Variants in VPS13A observed in about 807,000 individuals in gnomAD.
VPS13A encodes vacuolar protein sorting 13 homolog A.
Under a neutral mutation model 390.9 loss-of-function variants are expected in VPS13A, and 264 were observed. The ratio of observed to expected loss-of-function variants is 0.68; its 90% CI spans 0.61 to 0.75. The LOEUF is 0.75. Ranked by LOEUF, VPS13A falls within the 30% of genes least tolerant of loss-of-function variation. The pLI is 0.00. For missense variants in VPS13A, 3,409 were observed against 3,733.9 expected (o/e 0.91, Z 2.27); for synonymous variants, 1,231 against 1,227.1 (o/e 1.00, Z -0.07).
chr9:77,223,178 C>A (rs929675039), intron 13 of VPS13A, among the ~76,000 whole-genome samples: 1 of 152,160 alleles, frequency 6.6e-6, no homozygotes, highest in African/African-American at 2.4e-5. Context: ...TCTAACACAG[C>A]AAACTTAATA....
At chr9:77,305,932 C>T (rs1828713794) in intron 34 of VPS13A, among the ~76,000 whole-genome samples, 1 of 152,200 alleles carries the variant, frequency 6.6e-6, no homozygotes, top group African/African-American at 2.4e-5. Context: ...CTCCACTGAG[C>T]TCCTGGCAAA....
At chr9:77,345,887 A>G (rs1216033159) in intron 52 of VPS13A, among the ~76,000 whole-genome samples, 2 of 152,172 alleles carry the variant, frequency 1.3e-5, no homozygotes, top group East Asian at 1.9e-4. Context: ...CGTTTGGGGT[A>G]GCATTCTCTC....
In VPS13A at chr9:77,252,242, T is replaced by C. The variant is rs756234366; in HGVS notation, c.2178T>C (p.Asn726=). 6.2e-7 allele frequency: 1 copy of C among 1,612,410 alleles called. No homozygotes were observed. Among genetic ancestry groups the C allele is most frequent in the South Asian group, 1.1e-5 (1 of 91,048 alleles). Residue 726 remains asparagine, a synonymous_variant, in exon 22 of 72, where the codon AAT becomes AAC. Transcript: ENST00000360280. ...ACTATTTTCTGTACTTAGGTGATAA[T>C]TGGAGAGAAGCACGAAAACTCAGTG... ...VQLLYSRVGD[N]WREARKLSVS... is the part of the protein sequence containing the mutation.
intron 19 of VPS13A, among the ~76,000 whole-genome samples, chr9:77,241,705 A>G (rs1329654985): frequency 1.3e-5 from 2 of 152,148 alleles, no homozygotes; most frequent in Non-Finnish European, 2.9e-5. Flanking sequence ...TTTCGGGAAG[A>G]TTTATATTTC....
At chr9:77,274,426 CAAAAAAAA>C (rs889400152) in intron 24 of VPS13A, among the ~76,000 whole-genome samples, 3 of 62,214 alleles carry the variant, frequency 4.8e-5, no homozygotes, top group Admixed American at 1.9e-4. Context: ...GAGTCCGAAT[CAAAAAAAA>C]AAAAAAAAAA....
At chr9:77,375,110 C>T (rs113156231) in intron 67 of VPS13A, among the ~76,000 whole-genome samples, 24 of 152,176 alleles carry the variant, frequency 1.6e-4, no homozygotes, top group African/African-American at 5.8e-4. Context: ...GTCAATGAAA[C>T]GTAAGGAATT....
intron 71 of VPS13A, among the ~76,000 whole-genome samples, chr9:77,412,557 A>T (rs1834987955): frequency 6.6e-6 from 1 of 152,226 alleles, no homozygotes; most frequent in African/African-American, 2.4e-5. Context: ...CTTCATCCTA[A>T]AAACTCTCAA....
chr9:77,216,954 C>G (rs1232671682), intron 10 of VPS13A, among the ~76,000 whole-genome samples: 2 of 152,164 alleles, frequency 1.3e-5, no homozygotes, highest in East Asian at 1.9e-4. Context: ...ATGCTGGCAG[C>G]TGATTAGATT....
chr9:77,385,120 G>T, intron 68 of VPS13A: 1 of 967,128 alleles, frequency 1.0e-6, no homozygotes, highest in Non-Finnish European at 1.2e-6. Context: ...GCCATTTAAT[G>T]TTTTATATTT....
chr9:77,286,076 T>C (rs1165656869), intron 31 of VPS13A, among the ~76,000 whole-genome samples: 4 of 152,212 alleles, frequency 2.6e-5, no homozygotes, highest in Admixed American at 2.0e-4. Context: ...TAGTTGGTAG[T>C]GTGTGTTTTC....
intron 71 of VPS13A, among the ~76,000 whole-genome samples, chr9:77,415,386 T>A (rs901387172): frequency 7.2e-5 from 11 of 152,224 alleles, no homozygotes; most frequent in Non-Finnish European, 1.3e-4. Context: ...GAAATCTTTA[T>A]ATATTAGAAT....
chr9:77,185,186 G>A (rs1388825979), intron 1 of VPS13A, among the ~76,000 whole-genome samples: 1 of 151,750 alleles, frequency 6.6e-6, no homozygotes, highest in Admixed American at 6.6e-5. Flanking sequence ...TCTGTCGCCA[G>A]GCTGGAGTGC....
intron 32 of VPS13A, 43 bp from the exon 33 acceptor site, chr9:77,295,499 T>C: frequency 6.8e-7 from 1 of 1,468,720 alleles, no homozygotes; most frequent in South Asian, 1.4e-5. Flanking sequence ...TAATAAGTCG[T>C]ATTTATTAAT....
chr9:77,250,271 G>A lies in VPS13A; in HGVS notation c.2170+42G>A, dbSNP rs2021998. ...TTATTTGTTGATTGATTTTGTTGAA[G>A]TGATTAATTAGGTTTTTAGACACTT... On this transcript the variant is annotated intron_variant, in intron 21 of 71. Coordinates refer to ENST00000360280, the MANE Select transcript of VPS13A (RefSeq NM_033305.3). 0.2 allele frequency: 321,438 copies of A among 1,605,870 alleles called. 33,765 individuals carry two copies. Among genetic ancestry groups the A allele is most frequent in the African/African-American group, 0.25 (18,510 of 74,862 alleles).
At chr9:77,276,989 G>C (rs190685669) in intron 26 of VPS13A, among the ~76,000 whole-genome samples, 2 of 152,148 alleles carry the variant, frequency 1.3e-5, no homozygotes, top group South Asian at 4.1e-4. Flanking sequence ...GGATTAGAGC[G>C]TAGGTATCTT....
rs1489436623 is a variant in VPS13A, at chr9:77,282,123, A to T, written c.2967A>T (p.Val989=). 1.9e-6 allele frequency: 3 copies of T among 1,613,108 alleles called. No homozygotes were observed. The highest frequency in any genetic ancestry group is 2.5e-6 in the Non-Finnish European group (3 of 1,179,472). ...CTAAAATCAGCTTTGTTCTTTAGGT[A>T]AATTTTTCCTCTTTGGATATTCATT... ...TYNNVLQLIK[V]NFSSLDIHLH... is the part of the protein sequence containing the mutation. Residue 989 remains valine (V), a splice_region_variant and synonymous_variant, in exon 29 of 72, where the codon GTA becomes GTT. Transcript: ENST00000360280.
At chr9:77,260,396 A>T (rs942366471) in intron 23 of VPS13A, among the ~76,000 whole-genome samples, 172 bp downstream of exon 23, 1 of 132,384 alleles carries the variant, frequency 7.6e-6, no homozygotes. Context: ...TCGCTCTGTC[A>T]CCAGGCTGGA....
intron 37 of VPS13A, 40 bp from the exon 38 acceptor site, chr9:77,315,213 G>A (rs1829318204): frequency 1.3e-6 from 2 of 1,547,152 alleles, no homozygotes; most frequent in Non-Finnish European, 8.9e-7. Flanking sequence ...TTACTTCTAA[G>A]TTACTCATAC....
At chr9:77,367,537 G>C (rs1312369802) in intron 61 of VPS13A, among the ~76,000 whole-genome samples, 1 of 152,202 alleles carries the variant, frequency 6.6e-6, no homozygotes, top group Non-Finnish European at 1.5e-5. Flanking sequence ...ATTCTACTTA[G>C]CAACAAGAAG....
Sources: allele counts gnomAD v4.1 joint callset (sites outside exome capture counted in the v4.1 genomes callset), GRCh38; gene constraint gnomAD v4.1.1; transcripts MANE v1.5; gene names NCBI Gene and HGNC (gene_info 2026-07-23, HGNC 2026-07-21).